ASAP1: variants seen among roughly 807,000 people sequenced by gnomAD.
ASAP1 encodes the protein ArfGAP with SH3 domain, ankyrin repeat and PH domain 1.
ASAP1 carries 43 observed loss-of-function variants against 145.2 expected under a neutral mutation model. That is an observed-to-expected ratio of 0.30 (90% CI 0.23 to 0.38). ASAP1 has a LOEUF of 0.38. Among genes scored for constraint, ASAP1 ranks in the 10% least tolerant of loss-of-function variants. The pLI is 1.00. For missense variants in ASAP1, 1,018 were observed against 1,355.3 expected (o/e 0.75, Z 3.91); for synonymous variants, 546 against 515.5 (o/e 1.06, Z -0.80).
intron 25 of ASAP1, among the ~76,000 whole-genome samples, chr8:130,090,688 T>C (rs928162782): frequency 6.6e-6 from 1 of 152,290 alleles, no homozygotes; most frequent in African/African-American, 2.4e-5. Flanking sequence ...CATTAGACCA[T>C]GAACTCCACG....
chr8:130,169,104 A>T (rs72722358), intron 9 of ASAP1, 37 bp from the exon 10 acceptor site: 1,039 of 816,538 alleles, frequency 1.3e-3, no homozygotes, highest in Non-Finnish European at 1.6e-3. Flanking sequence ...CCACCAGTAT[A>T]AAAAAAAAAG....
chr8:130,168,834 C>T (rs1338925943), intron 10 of ASAP1, among the ~76,000 whole-genome samples, 158 bp downstream of exon 10: 1 of 152,196 alleles, frequency 6.6e-6, no homozygotes, highest in African/African-American at 2.4e-5. Flanking sequence ...CCATCGATGA[C>T]TTCTCTGACT....
intron 15 of ASAP1, among the ~76,000 whole-genome samples, chr8:130,129,757 C>A (rs1261285451): frequency 6.6e-6 from 1 of 152,042 alleles, no homozygotes; most frequent in Admixed American, 6.5e-5. Flanking sequence ...CTCTAGGTGG[C>A]GCTCACCTTC....
chr8:130,085,008 G>A (rs2097489599), intron 25 of ASAP1, among the ~76,000 whole-genome samples: 1 of 152,160 alleles, frequency 6.6e-6, no homozygotes, highest in South Asian at 2.1e-4. Context: ...GTGATTCCCA[G>A]AGGTCACTTT....
At chr8:130,188,894 C>T (rs752003617) in intron 5 of ASAP1, among the ~76,000 whole-genome samples, 4 of 152,184 alleles carry the variant, frequency 2.6e-5, no homozygotes, top group East Asian at 1.9e-4. Context: ...GTAGCTCTTA[C>T]GGTGAATTTT....
At position 130,203,360 on chromosome 8, in the gene ASAP1, T is replaced by C. The variant is rs193084159; in HGVS notation, c.405+11196A>G. On this transcript the variant is annotated intron_variant, in intron 5 of 29. Transcript: ENST00000518721. ...TGGCTCAAAGCACCCACCTGGCTTG[T>C]ACAAGGGAAGCCTGAAGTCCAGCCA... is the stretch of plus-strand genomic sequence containing the variant. Among the ~76,000 whole-genome samples, 45 of 152,324 alleles carry C rather than the reference T, an allele frequency of 3.0e-4. No homozygotes were observed. In the East Asian group the frequency reaches 6.9e-3, roughly 23 times the overall value.
At chr8:130,264,956 G>C (rs976636123) in intron 3 of ASAP1, among the ~76,000 whole-genome samples, 2 of 152,016 alleles carry the variant, frequency 1.3e-5, no homozygotes, top group African/African-American at 4.8e-5. Context: ...AAAGAGGGAG[G>C]AACACAGGCA....
intron 2 of ASAP1, among the ~76,000 whole-genome samples, chr8:130,368,820 A>G (rs1827082744): frequency 2.0e-5 from 3 of 152,322 alleles, no homozygotes; most frequent in Admixed American, 1.3e-4. Flanking sequence ...ATCCACAAAA[A>G]TCTATCCCAT....
At chr8:130,239,289 A>G (rs2136694550) in intron 3 of ASAP1, among the ~76,000 whole-genome samples, 1 of 152,286 alleles carries the variant, frequency 6.6e-6, no homozygotes, top group African/African-American at 2.4e-5. Flanking sequence ...TATTTAACAT[A>G]TACTTGGTAT....
At chr8:130,435,678 C>T (rs868514780) in intron 1 of ASAP1, among the ~76,000 whole-genome samples, 13 of 152,118 alleles carry the variant, frequency 8.5e-5, no homozygotes, top group African/African-American at 3.1e-4. Flanking sequence ...AACTGAGACC[C>T]CTTTATAAAA....
rs1357749808 is a variant in ASAP1, at chr8:130,138,492, C to T, written c.1081-1454G>A. 5.3e-5 allele frequency among the ~76,000 whole-genome samples: 8 copies of T among 152,178 alleles called. No homozygotes were observed. The East Asian group carries it at 1.4e-3, about 26-fold the overall frequency. ...ATTCCTGTACTCCAGAACTTGTCAC[C>T]AAACCTAGAAGGGGAGGCAGGAGCT... On this transcript the variant is annotated intron_variant, in intron 13 of 29. Coordinates refer to ENST00000518721, the MANE Select transcript of ASAP1 (RefSeq NM_018482.4).
At chr8:130,388,705 A>G (rs1193811971) in intron 2 of ASAP1, among the ~76,000 whole-genome samples, 1 of 152,172 alleles carries the variant, frequency 6.6e-6, no homozygotes, top group Non-Finnish European at 1.5e-5. Flanking sequence ...GTGTTTTTAG[A>G]GGAAGGGAGT....
chr8:130,297,913 T>C (rs1053600060), intron 3 of ASAP1, among the ~76,000 whole-genome samples: 9 of 152,166 alleles, frequency 5.9e-5, no homozygotes, highest in African/African-American at 2.2e-4. Flanking sequence ...CATGCTCTTG[T>C]AGCTAAATTG....
chr8:130,156,250 G>A (rs1283020260), intron 12 of ASAP1, among the ~76,000 whole-genome samples: 2 of 152,194 alleles, frequency 1.3e-5, no homozygotes, highest in African/African-American at 2.4e-5. Context: ...GTTTGCAAAT[G>A]AGTCTGTTTT....
At chr8:130,110,860 T>C (rs2097545532) in intron 24 of ASAP1, among the ~76,000 whole-genome samples, 1 of 152,150 alleles carries the variant, frequency 6.6e-6, no homozygotes, top group Admixed American at 6.5e-5. Flanking sequence ...CAAATAGGCA[T>C]GGCATTGTGT....
intron 3 of ASAP1, among the ~76,000 whole-genome samples, chr8:130,256,567 C>T (rs1158541815): frequency 6.6e-6 from 1 of 151,630 alleles, no homozygotes; most frequent in Admixed American, 6.6e-5. Flanking sequence ...TTTTAAAACA[C>T]GAATGCTTCC....
chr8:130,370,590 C>G (rs1827168350), intron 2 of ASAP1, among the ~76,000 whole-genome samples: 1 of 152,152 alleles, frequency 6.6e-6, no homozygotes, highest in Non-Finnish European at 1.5e-5. Flanking sequence ...CACATAAAAC[C>G]TTGTACACCA....
At chr8:130,292,108 T>TA (rs1302567539) in intron 3 of ASAP1, among the ~76,000 whole-genome samples, 1 of 152,176 alleles carries the variant, frequency 6.6e-6, no homozygotes, top group African/African-American at 2.4e-5. Context: ...CTGCCCCTAC[T>TA]ACCCTTTTGG....
chr8:130,348,047 T>C (rs1825797129), intron 3 of ASAP1, among the ~76,000 whole-genome samples: 1 of 152,168 alleles, frequency 6.6e-6, no homozygotes, highest in Admixed American at 6.5e-5. Flanking sequence ...TGAGGCCTTT[T>C]CCAGTTCTAC....
Sources: allele counts gnomAD v4.1 joint callset (sites outside exome capture counted in the v4.1 genomes callset), GRCh38; gene constraint gnomAD v4.1.1; transcripts MANE v1.5; gene names NCBI Gene and HGNC (gene_info 2026-07-23, HGNC 2026-07-21).